PRKAG2: variants seen among roughly 807,000 people sequenced by gnomAD.
The protein encoded by PRKAG2 is protein kinase AMP-activated non-catalytic subunit gamma 2, also known as 5'-AMP-activated protein kinase subunit gamma-2.
PRKAG2 carries 26 observed loss-of-function variants against 69.6 expected under a neutral mutation model. The observed-to-expected ratio is 0.37, with a 90% CI of 0.27 to 0.52. PRKAG2 has a LOEUF of 0.52. Among genes scored for constraint, PRKAG2 ranks in the 20% least tolerant of loss-of-function variants. The probability of loss-of-function intolerance (pLI) is 0.90; values close to 1 mark genes in which losing one functional copy is unlikely to be tolerated. For missense variants in PRKAG2, 557 were observed against 740.0 expected (o/e 0.75, Z 2.87); for synonymous variants, 293 against 285.0 (o/e 1.03, Z -0.28).
chr7:151,658,710 T>G (rs1239263083), intron 4 of PRKAG2, among the ~76,000 whole-genome samples: 1 of 152,298 alleles, frequency 6.6e-6, no homozygotes, highest in East Asian at 1.9e-4. Context: ...AAGAACATGT[T>G]ATAAGATGAT....
chr7:151,594,144 G>T (rs911500150), intron 6 of PRKAG2, among the ~76,000 whole-genome samples: 3 of 152,198 alleles, frequency 2.0e-5, no homozygotes, highest in African/African-American at 7.2e-5. Flanking sequence ...GCACCTTTCA[G>T]CTGGTGCTCC....
At chr7:151,870,161 G>A (rs200143775) in intron 1 of PRKAG2, among the ~76,000 whole-genome samples, 33,229 of 108,222 alleles carry the variant, frequency 0.31, 4,526 homozygotes, top group East Asian at 0.46. Context: ...AGATAGGCAG[G>A]CAGGCAGGCA....
At chr7:151,595,495 T>G in intron 5 of PRKAG2, 41 bp from the exon 6 acceptor site, 1 of 1,349,128 alleles carries the variant, frequency 7.4e-7, no homozygotes, top group South Asian at 1.2e-5. Context: ...TAATAAAGAA[T>G]TCCCTCAATC....
chr7:151,649,313 A>G (rs1238943671), intron 4 of PRKAG2, among the ~76,000 whole-genome samples: 1 of 152,072 alleles, frequency 6.6e-6, no homozygotes, highest in Non-Finnish European at 1.5e-5. Flanking sequence ...TTTAGCAGAG[A>G]TGGAGTTTCA....
intron 1 of PRKAG2, among the ~76,000 whole-genome samples, chr7:151,869,615 G>A (rs563428755): frequency 3.3e-5 from 5 of 152,308 alleles, no homozygotes; most frequent in African/African-American, 4.8e-5. Context: ...GTGTCCCTGC[G>A]CCCTCTGTGT....
chr7:151,594,544 C>T (rs79435338), intron 6 of PRKAG2, among the ~76,000 whole-genome samples: 5 of 152,236 alleles, frequency 3.3e-5, no homozygotes, highest in East Asian at 1.9e-4. Flanking sequence ...GAAAAGAGAT[C>T]GGTAAGGTTC....
chr7:151,761,736 C>T (rs911914480), intron 3 of PRKAG2, among the ~76,000 whole-genome samples: 2 of 152,134 alleles, frequency 1.3e-5, no homozygotes, highest in Admixed American at 6.5e-5. Context: ...ATTGAGTTTC[C>T]CTGTACAAGA....
chr7:151,614,535 C>T lies in PRKAG2; in HGVS notation c.754+17534G>A, dbSNP rs73730221. 0.012 allele frequency among the ~76,000 whole-genome samples: 1,899 copies of T among 152,214 alleles called. 28 individuals carry two copies. The highest frequency in any genetic ancestry group is 0.043 in the African/African-American group (1,793 of 41,530). On this transcript the variant is annotated intron_variant, in intron 5 of 15. Transcript: ENST00000287878. The surrounding 1 kb of genome is among the most constrained non-coding windows in gnomAD (Gnocchi z 4.4). ...CCCTGCTCCCTCCATCGTGACTCTC[C>T]GTCCCATCCCTGCGTGCTCTCCTTC...
intron 1 of PRKAG2, among the ~76,000 whole-genome samples, chr7:151,864,332 T>C (rs954806024): frequency 1.3e-5 from 2 of 152,224 alleles, no homozygotes; most frequent in African/African-American, 2.4e-5. Context: ...GCTTCGCCAC[T>C]GGCCAGCCAT....
intron 3 of PRKAG2, among the ~76,000 whole-genome samples, chr7:151,711,687 C>A (rs1024052697): frequency 6.6e-6 from 1 of 152,188 alleles, no homozygotes; most frequent in African/African-American, 2.4e-5. Context: ...GAAAGTTAAG[C>A]AACCTGTAGA....
rs1011343803 is a variant in PRKAG2, at chr7:151,614,724, T to C, written c.754+17345A>G. On this transcript the variant is annotated intron_variant, in intron 5 of 15. Coordinates refer to ENST00000287878, the MANE Select transcript of PRKAG2 (RefSeq NM_016203.4). The surrounding 1 kb of genome is among the most constrained non-coding windows in gnomAD (Gnocchi z 4.4). The stretch of plus-strand genomic sequence containing the variant: ...CCAGGACCGCTCCAGTTCAGCACCA[T>C]GGAATGGGACTCCACCTGGGCCTTC... 6.6e-6 allele frequency among the ~76,000 whole-genome samples: 1 copy of C among 152,190 alleles called. No homozygotes were observed. Among genetic ancestry groups the C allele is most frequent in the African/African-American group, 2.4e-5 (1 of 41,444 alleles).
intron 1 of PRKAG2, chr7:151,809,184 TA>T: frequency 2.2e-6 from 1 of 455,026 alleles, no homozygotes; most frequent in Non-Finnish European, 4.4e-6. Flanking sequence ...GGCCTAATAC[TA>T]AGGGCAAATC....
intron 5 of PRKAG2, among the ~76,000 whole-genome samples, chr7:151,629,572 G>A (rs1036579227): frequency 6.6e-6 from 1 of 152,174 alleles, no homozygotes; most frequent in African/African-American, 2.4e-5. Flanking sequence ...CATAACCCAG[G>A]CCAAAGACGA....
At chr7:151,645,888 A>C (rs1205316405) in intron 4 of PRKAG2, among the ~76,000 whole-genome samples, 1 of 152,134 alleles carries the variant, frequency 6.6e-6, no homozygotes, top group African/African-American at 2.4e-5. Context: ...TTAAATTATG[A>C]TATGTGGCAA....
chr7:151,713,979 C>T (rs1490440726), intron 3 of PRKAG2, among the ~76,000 whole-genome samples: 3 of 152,118 alleles, frequency 2.0e-5, no homozygotes, highest in Non-Finnish European at 4.4e-5. Flanking sequence ...AAATATATCA[C>T]AATTTGGGGG....
At chr7:151,734,724 A>G (rs1799486318) in intron 3 of PRKAG2, among the ~76,000 whole-genome samples, 1 of 151,152 alleles carries the variant, frequency 6.6e-6, no homozygotes, top group South Asian at 2.1e-4. Flanking sequence ...TAACTTTTAA[A>G]TTTTTTTGTA....
At chr7:151,618,841 T>C (rs1478140680) in intron 5 of PRKAG2, among the ~76,000 whole-genome samples, 1 of 152,184 alleles carries the variant, frequency 6.6e-6, no homozygotes, top group Non-Finnish European at 1.5e-5. Flanking sequence ...AGGCAAATCT[T>C]AAACATAATT....
intron 1 of PRKAG2, chr7:151,809,627 C>G (rs1176670683): frequency 1.2e-5 from 2 of 169,290 alleles, no homozygotes; most frequent in African/African-American, 4.8e-5. Flanking sequence ...AATCAAGCAC[C>G]GTTTATTAGG....
chr7:151,783,155 C>G (rs1437981642), intron 2 of PRKAG2, among the ~76,000 whole-genome samples: 3 of 152,204 alleles, frequency 2.0e-5, no homozygotes, highest in Admixed American at 1.3e-4. Flanking sequence ...ATGCCCGTGG[C>G]GTGGACCCGC....
Sources: allele counts gnomAD v4.1 joint callset (sites outside exome capture counted in the v4.1 genomes callset), GRCh38; gene constraint gnomAD v4.1.1; non-coding constraint Gnocchi (gnomAD v3.1); transcripts MANE v1.5; gene names NCBI Gene and HGNC (gene_info 2026-07-23, HGNC 2026-07-21).